Variants in LIMCH1 observed in about 807,000 individuals in gnomAD.
LIMCH1 encodes LIM and calponin homology domains-containing protein 1.
Under a neutral mutation model 176.5 loss-of-function variants are expected in LIMCH1, and 113 were observed. The ratio of observed to expected loss-of-function variants is 0.64; its 90% CI spans 0.55 to 0.75. LIMCH1 has a LOEUF of 0.75. Among genes scored for constraint, LIMCH1 ranks in the 30% least tolerant of loss-of-function variants. The pLI, the probability that LIMCH1 is intolerant of heterozygous loss-of-function variation, is 0.00. For synonymous variants in LIMCH1, 619 were observed against 645.9 expected, an observed-to-expected ratio of 0.96 and a Z score of 0.63; for missense variants, 1,674 against 1,814.9, an observed-to-expected ratio of 0.92 and a Z score of 1.41.
At chr4:41,375,316 G>A (rs2054571948) in intron 1 of LIMCH1, among the ~76,000 whole-genome samples, 1 of 151,866 alleles carries the variant, frequency 6.6e-6, no homozygotes, top group Admixed American at 6.6e-5. Flanking sequence ...TATTTTTAGA[G>A]GTATCACTGA....
intron 1 of LIMCH1, chr4:41,473,203 C>T (rs777313650): frequency 2.6e-5 from 26 of 984,160 alleles, no homozygotes; most frequent in Non-Finnish European, 3.1e-5. Flanking sequence ...AAGGTGTGTG[C>T]TGTTTACTGC....
At chr4:41,480,898 T>G (rs2068489160) in intron 1 of LIMCH1, among the ~76,000 whole-genome samples, 1 of 152,228 alleles carries the variant, frequency 6.6e-6, no homozygotes, top group Non-Finnish European at 1.5e-5. Context: ...AAACACAGTT[T>G]TGCTAAAGCC....
chr4:41,361,699 C>A (rs1580993644), intron 1 of LIMCH1, among the ~76,000 whole-genome samples: 1 of 152,334 alleles, frequency 6.6e-6, no homozygotes, highest in East Asian at 1.9e-4. Flanking sequence ...GGCTCTCAGT[C>A]CCGGAAGCGC....
At chr4:41,571,354 G>T in intron 1 of LIMCH1, among the ~76,000 whole-genome samples, 1 of 152,128 alleles carries the variant, frequency 6.6e-6, no homozygotes, top group South Asian at 2.1e-4. Context: ...TGTCCTCGGA[G>T]CAGGGGAAAG....
chr4:41,503,670 C>G lies in LIMCH1; in HGVS notation c.167+9064C>G, dbSNP rs146901605. Among the ~76,000 whole-genome samples, 25 of 152,286 alleles carry G rather than the reference C, an allele frequency of 1.6e-4. No homozygotes were observed. In the East Asian group the frequency reaches 4.1e-3, roughly 25 times the overall value. ...GTCCATTCCTTTATCCCTATCCTCT[C>G]TAAACTATGGAGTGAGTTACCTTGG... On this transcript the variant is annotated intron_variant, in intron 2 of 26. Coordinates refer to the LIMCH1 transcript ENST00000313860.
chr4:41,590,083 ATAGT>A (rs948294462), intron 1 of LIMCH1, among the ~76,000 whole-genome samples: 57 of 149,932 alleles, frequency 3.8e-4, no homozygotes, highest in South Asian at 2.2e-4. Context: ...TCTTTTAAAA[ATAGT>A]TAGTTAATTA....
intron 2 of LIMCH1, among the ~76,000 whole-genome samples, chr4:41,500,781 A>G (rs376096478): frequency 6.6e-6 from 1 of 152,166 alleles, no homozygotes; most frequent in African/African-American, 2.4e-5. Flanking sequence ...GAGTATAACC[A>G]TCAAGGGCCT....
At chr4:41,676,323 C>A in intron 22 of LIMCH1, 59 bp from the exon 23 acceptor site, 1 of 1,395,888 alleles carries the variant, frequency 7.2e-7, no homozygotes, top group Non-Finnish European at 1.0e-6. Flanking sequence ...TACTCTTCAC[C>A]CGGCCTGTCC....
At chr4:41,476,645 A>T (rs2067791203) in intron 1 of LIMCH1, among the ~76,000 whole-genome samples, 1 of 152,240 alleles carries the variant, frequency 6.6e-6, no homozygotes, top group African/African-American at 2.4e-5. Context: ...AAGGAAGATA[A>T]GTAGGGAAAT....
intron 4 of LIMCH1, chr4:41,612,440 T>C (rs2091541612): frequency 1.5e-6 from 1 of 664,342 alleles, no homozygotes; most frequent in South Asian, 1.7e-5. Context: ...AACATGCCTC[T>C]CTGCCAGTGT....
At chr4:41,528,414 C>T (rs1286215416) in intron 3 of LIMCH1, among the ~76,000 whole-genome samples, 1 of 152,042 alleles carries the variant, frequency 6.6e-6, no homozygotes, top group Non-Finnish European at 1.5e-5. Flanking sequence ...CATAGGAAAC[C>T]TCAAATAATT....
At chr4:41,507,747 G>T (rs1288592414) in intron 2 of LIMCH1, among the ~76,000 whole-genome samples, 1 of 151,952 alleles carries the variant, frequency 6.6e-6, no homozygotes, top group Non-Finnish European at 1.5e-5. Flanking sequence ...GCCTGAAAGG[G>T]CAAGGACATC....
At chr4:41,424,938 T>C (rs1336446252) in intron 1 of LIMCH1, among the ~76,000 whole-genome samples, 6 of 152,188 alleles carry the variant, frequency 3.9e-5, no homozygotes, top group Non-Finnish European at 8.8e-5. Flanking sequence ...TTGGTCTTCC[T>C]TCTGGGTGTC....
intron 1 of LIMCH1, among the ~76,000 whole-genome samples, chr4:41,403,489 G>A (rs1318965441): frequency 6.6e-6 from 1 of 152,160 alleles, no homozygotes; most frequent in Non-Finnish European, 1.5e-5. Context: ...GCTGAGGCAG[G>A]AGAATCGCTT....
At chr4:41,538,435 G>GT in intron 1 of LIMCH1, 85 bp downstream of exon 1, 1 of 832,350 alleles carries the variant, frequency 1.2e-6, no homozygotes, top group Non-Finnish European at 1.4e-6. Flanking sequence ...TTAATACTTG[G>GT]TTTAAAAAAA....
At chr4:41,465,318 TTGATGAGTCTCTGAACTCATCAAGTGG>T (rs931684621) in intron 1 of LIMCH1, among the ~76,000 whole-genome samples, 18 of 152,282 alleles carry the variant, frequency 1.2e-4, no homozygotes, top group Middle Eastern at 3.4e-3. Context: ...AGAAATCTGC[TTGATGAGTCTCTGAACTCATCAAGTGG>T]TGATGAGTCT....
At chr4:41,509,524 C>T (rs1217711743) in intron 2 of LIMCH1, among the ~76,000 whole-genome samples, 2 of 152,218 alleles carry the variant, frequency 1.3e-5, no homozygotes, top group Non-Finnish European at 2.9e-5. Context: ...GCCACGCTGA[C>T]TTGGCCTGTC....
chr4:41,538,531 T>C (rs927257137), intron 1 of LIMCH1, among the ~76,000 whole-genome samples, 181 bp downstream of exon 1: 1 of 151,502 alleles, frequency 6.6e-6, no homozygotes, highest in Non-Finnish European at 1.5e-5. Flanking sequence ...TGATAACTGT[T>C]AGCACCTGTT....
chr4:41,455,850 C>T (rs1561428287), intron 1 of LIMCH1, among the ~76,000 whole-genome samples: 1 of 152,140 alleles, frequency 6.6e-6, no homozygotes, highest in Non-Finnish European at 1.5e-5. Flanking sequence ...AAGAAAGACT[C>T]TTCGACCTCA....
Sources: allele counts gnomAD v4.1 joint callset (sites outside exome capture counted in the v4.1 genomes callset), GRCh38; gene constraint gnomAD v4.1.1; transcripts MANE v1.5; gene names NCBI Gene and HGNC (gene_info 2026-07-23, HGNC 2026-07-21).